DOCK3: variants seen among roughly 807,000 people sequenced by gnomAD.
DOCK3 encodes dedicator of cytokinesis protein 3.
In DOCK3, 60 loss-of-function variants were observed where a neutral mutation model predicts 265.6. The observed-to-expected ratio is 0.23, with a 90% CI of 0.18 to 0.28. DOCK3 has a LOEUF of 0.28. DOCK3 is among the 10% of genes least tolerant of loss of function. The probability of loss-of-function intolerance (pLI) is 1.00; values close to 1 mark genes in which losing one functional copy is unlikely to be tolerated. For missense variants in DOCK3, 1,981 were observed against 2,594.3 expected, an observed-to-expected ratio of 0.76 and a Z score of 5.14; for synonymous variants, 881 against 938.0, an observed-to-expected ratio of 0.94 and a Z score of 1.11.
chr3:51,163,847 CAT>C (rs1305639241), intron 12 of DOCK3, among the ~76,000 whole-genome samples: 1 of 151,974 alleles, frequency 6.6e-6, no homozygotes, highest in African/African-American at 2.4e-5. Context: ...TACTCAATCA[CAT>C]ATTATGTAAA....
intron 4 of DOCK3, among the ~76,000 whole-genome samples, chr3:50,932,004 C>T (rs1221969201): frequency 6.6e-6 from 1 of 152,112 alleles, no homozygotes; most frequent in Non-Finnish European, 1.5e-5. Context: ...GTACTCTTGT[C>T]CATAAGTTGT....
At chr3:50,900,080 G>T (rs1365146578) in intron 4 of DOCK3, among the ~76,000 whole-genome samples, 1 of 152,090 alleles carries the variant, frequency 6.6e-6, no homozygotes, top group Non-Finnish European at 1.5e-5. Context: ...TTTACAACTT[G>T]GTTCCATTCT....
chr3:51,018,561 C>T (rs1269822036), intron 5 of DOCK3, among the ~76,000 whole-genome samples: 1 of 149,910 alleles, frequency 6.7e-6, no homozygotes, highest in Admixed American at 6.6e-5. Flanking sequence ...AGATTTTGTT[C>T]AGATTTTGAA....
At chr3:50,798,381 T>C (rs2042901801) in intron 2 of DOCK3, among the ~76,000 whole-genome samples, 1 of 152,212 alleles carries the variant, frequency 6.6e-6, no homozygotes, top group Admixed American at 6.5e-5. Context: ...CTGCTAGGGA[T>C]ACCCCAGTTC....
At chr3:50,895,201 C>A (rs1384321377) in intron 4 of DOCK3, among the ~76,000 whole-genome samples, 1 of 148,010 alleles carries the variant, frequency 6.8e-6, no homozygotes, top group Non-Finnish European at 1.5e-5. Context: ...TATTTTATCC[C>A]CGCTTTTTTT....
chr3:51,009,868 A>G (rs1238995374), intron 5 of DOCK3, among the ~76,000 whole-genome samples: 1 of 152,066 alleles, frequency 6.6e-6, no homozygotes, highest in Non-Finnish European at 1.5e-5. Flanking sequence ...CCTTCATTTA[A>G]TTATTAACCC....
intron 4 of DOCK3, among the ~76,000 whole-genome samples, chr3:50,896,248 C>G (rs768748282): frequency 2.6e-5 from 4 of 152,174 alleles, no homozygotes; most frequent in Non-Finnish European, 4.4e-5. Flanking sequence ...CTCTAATGAT[C>G]AGTGATGATG....
chr3:51,295,030 TTAAAA>T (rs1350782687), intron 27 of DOCK3, among the ~76,000 whole-genome samples: 1 of 152,226 alleles, frequency 6.6e-6, no homozygotes, highest in Non-Finnish European at 1.5e-5. Context: ...TATTTGTCAA[TTAAAA>T]TAAAAATTTT....
chr3:51,045,938 G>A (rs1037202370), intron 5 of DOCK3, among the ~76,000 whole-genome samples: 2 of 152,184 alleles, frequency 1.3e-5, no homozygotes, highest in Middle Eastern at 3.4e-3. Flanking sequence ...GTACAGATGG[G>A]TAGCAGCTCT....
intron 5 of DOCK3, among the ~76,000 whole-genome samples, chr3:51,003,549 G>A (rs1228815716): frequency 6.6e-6 from 1 of 152,192 alleles, no homozygotes; most frequent in Non-Finnish European, 1.5e-5. Flanking sequence ...GAACCTATTT[G>A]TTAGTAATAG....
At chr3:50,696,257 A>G (rs903036868) in intron 1 of DOCK3, among the ~76,000 whole-genome samples, 5 of 152,216 alleles carry the variant, frequency 3.3e-5, no homozygotes, top group African/African-American at 7.2e-5. Flanking sequence ...GTATGGCCCA[A>G]TCTACTTCAT....
intron 5 of DOCK3, among the ~76,000 whole-genome samples, chr3:51,012,040 G>A (rs9681582): frequency 0.84 from 127,869 of 152,138 alleles, 54,184 homozygotes; most frequent in East Asian, 0.95. Flanking sequence ...CCCTACTGGG[G>A]GGTCCCTCCC....
intron 1 of DOCK3, among the ~76,000 whole-genome samples, chr3:50,776,217 T>C (rs1209144420): frequency 6.6e-6 from 1 of 152,178 alleles, no homozygotes; most frequent in Non-Finnish European, 1.5e-5. Context: ...AGTGTAAAAG[T>C]GTTCCTTTTT....
At chr3:51,267,173 T>C (rs2080227041) in intron 23 of DOCK3, among the ~76,000 whole-genome samples, 1 of 152,166 alleles carries the variant, frequency 6.6e-6, no homozygotes, top group Admixed American at 6.5e-5. Flanking sequence ...ATACAACAGA[T>C]GCTGGAGAGG....
At chr3:51,032,608 A>G (rs556931084) in intron 5 of DOCK3, among the ~76,000 whole-genome samples, 1 of 152,256 alleles carries the variant, frequency 6.6e-6, no homozygotes, top group Admixed American at 6.5e-5. Flanking sequence ...TTTACTAGAT[A>G]AAAATGAAAA....
chr3:51,083,534 C>T (rs2082313829), intron 7 of DOCK3, among the ~76,000 whole-genome samples: 1 of 151,664 alleles, frequency 6.6e-6, no homozygotes, highest in African/African-American at 2.4e-5. Flanking sequence ...CACAGATAAA[C>T]AATAAAAAAT....
intron 4 of DOCK3, among the ~76,000 whole-genome samples, chr3:50,932,208 T>G (rs1384742310): frequency 6.6e-6 from 1 of 152,248 alleles, no homozygotes; most frequent in African/African-American, 2.4e-5. Flanking sequence ...TAATCTGCTG[T>G]GGTAAGTCAC....
At chr3:51,268,004 TA>T (rs2080292944) in intron 23 of DOCK3, among the ~76,000 whole-genome samples, 1 of 151,836 alleles carries the variant, frequency 6.6e-6, no homozygotes. Context: ...GTCGGGGGAC[TA>T]GGGGAGGGAT....
At chr3:51,046,385 A>G (rs999987678) in intron 5 of DOCK3, among the ~76,000 whole-genome samples, 1 of 152,204 alleles carries the variant, frequency 6.6e-6, no homozygotes, top group South Asian at 2.1e-4. Flanking sequence ...TAAAAGTGAA[A>G]GGATGGAAAA....
Sources: allele counts gnomAD v4.1 joint callset (sites outside exome capture counted in the v4.1 genomes callset), GRCh38; gene constraint gnomAD v4.1.1; transcripts MANE v1.5; gene names NCBI Gene and HGNC (gene_info 2026-07-23, HGNC 2026-07-21).